The following DCC variants were observed in gnomAD, a reference collection of about 807,000 sequenced individuals.
The protein encoded by DCC is DCC netrin 1 receptor.
In DCC, 58 loss-of-function variants were observed where a neutral mutation model predicts 172.5. That is an observed-to-expected ratio of 0.34 (90% CI 0.27 to 0.42). The LOEUF (loss-of-function observed/expected upper bound fraction) is 0.42. Ranked by LOEUF, DCC falls within the 10% of genes least tolerant of loss-of-function variation. The probability of loss-of-function intolerance (pLI) is 1.00; values close to 1 mark genes in which losing one functional copy is unlikely to be tolerated. For missense variants in DCC, 1,740 were observed against 1,791.0 expected, an observed-to-expected ratio of 0.97 and a Z score of 0.51; for synonymous variants, 709 against 644.5, an observed-to-expected ratio of 1.10 and a Z score of -1.52.
rs74683814 is a variant in DCC at position 53,068,771 on chromosome 18, C to CTGTGTGTGTGTGTGTG, written c.1261+2617_1261+2632dup. Among the ~76,000 whole-genome samples, 529 of 143,702 alleles carry CTGTGTGTGTGTGTGTG rather than the reference C, an allele frequency of 3.7e-3. 3 individuals carry two copies. The highest frequency in any genetic ancestry group is 8.2e-3 in the East Asian group (38 of 4,656). The allele number at this position is 143,702 out of a possible 152,430, so 94.3% of individuals were successfully genotyped here. ...ACAGACTCCAAGAAAACCTTTTAGA[C>CTGTGTGTGTGTGTGTG]TGTGTGTGTGTGTGTGTGTGTGTGT... On this transcript the variant is annotated intron_variant, in intron 7 of 28. Transcript: ENST00000442544.
At chr18:53,346,747 T>C (rs1417422091) in intron 15 of DCC, among the ~76,000 whole-genome samples, 1 of 152,230 alleles carries the variant, frequency 6.6e-6, no homozygotes, top group Non-Finnish European at 1.5e-5. Flanking sequence ...TCTGATAATT[T>C]CAACATCTGC....
At chr18:53,015,530 T>C (rs933903558) in intron 5 of DCC, among the ~76,000 whole-genome samples, 1 of 152,170 alleles carries the variant, frequency 6.6e-6, no homozygotes, top group Non-Finnish European at 1.5e-5. Flanking sequence ...ATTTAGAGGG[T>C]ACATGCATGT....
At chr18:53,207,514 T>A (rs1598906936) in intron 10 of DCC, among the ~76,000 whole-genome samples, 165 bp from the exon 11 acceptor site, 1 of 152,266 alleles carries the variant, frequency 6.6e-6, no homozygotes, top group Non-Finnish European at 1.5e-5. Flanking sequence ...ATTAGTTGGT[T>A]TTTAGTGGGG....
chr18:52,853,848 C>G (rs999738992), intron 2 of DCC, among the ~76,000 whole-genome samples: 1 of 152,164 alleles, frequency 6.6e-6, no homozygotes, highest in Non-Finnish European at 1.5e-5. Flanking sequence ...ACAGATGAAG[C>G]CTGCCTGCCT....
intron 1 of DCC, among the ~76,000 whole-genome samples, chr18:52,428,130 C>A (rs1226535184): frequency 6.6e-6 from 1 of 152,034 alleles, no homozygotes; most frequent in Admixed American, 6.6e-5. Flanking sequence ...CTCTCTGCAG[C>A]CCCTTCTTTC....
At chr18:52,636,811 G>A (rs192750813) in intron 1 of DCC, among the ~76,000 whole-genome samples, 14 of 152,254 alleles carry the variant, frequency 9.2e-5, no homozygotes, top group African/African-American at 2.9e-4. Context: ...CCCTCTCCAT[G>A]CTACTTACAG....
intron 1 of DCC, among the ~76,000 whole-genome samples, chr18:52,449,180 T>A (rs1192153392): frequency 6.6e-6 from 1 of 152,210 alleles, no homozygotes; most frequent in Non-Finnish European, 1.5e-5. Flanking sequence ...TTATTCACTA[T>A]CACGAGAACA....
At chr18:52,798,432 G>C (rs2037919687) in intron 2 of DCC, among the ~76,000 whole-genome samples, 1 of 152,178 alleles carries the variant, frequency 6.6e-6, no homozygotes, top group South Asian at 2.1e-4. Context: ...TCTGACTCCT[G>C]ACTTCAGGTG....
At chr18:53,507,965 C>T (rs1375682380) in intron 27 of DCC, among the ~76,000 whole-genome samples, 1 of 146,896 alleles carries the variant, frequency 6.8e-6, no homozygotes. Context: ...GCAATCTCTG[C>T]TCACTGCAAG....
rs370428783 is a variant in DCC, at chr18:52,616,905, G to A, written c.92-135149G>A. Among the ~76,000 whole-genome samples the A allele has an allele frequency of 1.3e-4, 20 of 152,226 alleles. No individual in the cohort carries two copies. In the East Asian group the frequency reaches 3.9e-3, roughly 29 times the overall value. ...TACTGGGCTTATTTTTGGAGGTAAGGACAATACTGCAGAATGAGATGCATA... is the reference window on the plus strand; with the variant it reads ...TACTGGGCTTATTTTTGGAGGTAAGAACAATACTGCAGAATGAGATGCATA... On this transcript the variant is annotated intron_variant, in intron 1 of 28. Coordinates refer to ENST00000442544, the MANE Select transcript of DCC (RefSeq NM_005215.4).
intron 27 of DCC, among the ~76,000 whole-genome samples, chr18:53,508,563 G>A (rs1196147363): frequency 6.6e-6 from 1 of 152,138 alleles, no homozygotes; most frequent in Non-Finnish European, 1.5e-5. Context: ...TAGTTTTAGT[G>A]TTGCACTTAA....
chr18:53,404,534 A>G (rs1019225046), intron 19 of DCC, among the ~76,000 whole-genome samples: 16 of 151,996 alleles, frequency 1.1e-4, no homozygotes, highest in Non-Finnish European at 1.9e-4. Flanking sequence ...GATCGAGACC[A>G]TCCTGGCTAA....
chr18:52,556,650 G>A (rs1015835190), intron 1 of DCC, among the ~76,000 whole-genome samples: 4 of 151,980 alleles, frequency 2.6e-5, no homozygotes, highest in Non-Finnish European at 5.9e-5. Flanking sequence ...GACATGTAAC[G>A]TATGTACTAG....
intron 11 of DCC, 78 bp from the exon 12 acceptor site, chr18:53,215,468 ACT>A (rs1391946654): frequency 1.8e-6 from 2 of 1,138,992 alleles, no homozygotes; most frequent in African/African-American, 1.5e-5. Flanking sequence ...ACAAAACCAC[ACT>A]CTCTTTTTAC....
intron 2 of DCC, among the ~76,000 whole-genome samples, chr18:52,801,210 G>A (rs573805146): frequency 3.7e-4 from 57 of 152,290 alleles, no homozygotes; most frequent in African/African-American, 1.4e-3. Context: ...CCTATGATGA[G>A]AGTGGAAGAG....
intron 27 of DCC, 70 bp from the exon 28 acceptor site, chr18:53,526,547 G>C: frequency 1.4e-6 from 2 of 1,476,210 alleles, no homozygotes; most frequent in Non-Finnish European, 1.9e-6. Context: ...TGGATATGGT[G>C]TATATACTTG....
intron 1 of DCC, among the ~76,000 whole-genome samples, chr18:52,524,930 A>G (rs1039262895): frequency 6.6e-6 from 1 of 152,158 alleles, no homozygotes; most frequent in Non-Finnish European, 1.5e-5. Flanking sequence ...TACAATTTTG[A>G]ATAGCAGAGA....
chr18:53,443,948 A>G (rs1355955797), intron 22 of DCC, among the ~76,000 whole-genome samples: 3 of 152,358 alleles, frequency 2.0e-5, no homozygotes, highest in East Asian at 3.9e-4. Flanking sequence ...CAATCTCATG[A>G]TAAAATTTTA....
At chr18:53,425,097 T>C (rs1369715540) in intron 21 of DCC, among the ~76,000 whole-genome samples, 4 of 151,902 alleles carry the variant, frequency 2.6e-5, no homozygotes, top group African/African-American at 9.7e-5. Context: ...TCAAAGAATT[T>C]TCTTGGCCTT....
Sources: allele counts gnomAD v4.1 joint callset (sites outside exome capture counted in the v4.1 genomes callset), GRCh38; gene constraint gnomAD v4.1.1; transcripts MANE v1.5; gene names NCBI Gene and HGNC (gene_info 2026-07-23, HGNC 2026-07-21).